AGTPBP1: variants seen among roughly 807,000 people sequenced by gnomAD.
AGTPBP1 encodes ATP/GTP binding carboxypeptidase 1.
A neutral mutation model predicts 143.9 loss-of-function variants in AGTPBP1; 70 were observed. The observed-to-expected ratio is 0.49, with a 90% CI of 0.40 to 0.59. The LOEUF (loss-of-function observed/expected upper bound fraction) is 0.59. Ranked by LOEUF, AGTPBP1 falls within the 20% of genes least tolerant of loss-of-function variation. The pLI is 0.00. For synonymous variants in AGTPBP1, 463 were observed against 500.2 expected, an observed-to-expected ratio of 0.93 and a Z score of 0.99; for missense variants, 1,229 against 1,464.5, an observed-to-expected ratio of 0.84 and a Z score of 2.62.
At chr9:85,596,110 C>T (rs952628241) in intron 18 of AGTPBP1, among the ~76,000 whole-genome samples, 3 of 152,158 alleles carry the variant, frequency 2.0e-5, no homozygotes, top group Non-Finnish European at 2.9e-5. Flanking sequence ...GCTGAGGACA[C>T]ATAACTCTCT....
intron 11 of AGTPBP1, among the ~76,000 whole-genome samples, chr9:85,651,043 G>C (rs1329931110): frequency 6.6e-6 from 1 of 152,126 alleles, no homozygotes; most frequent in East Asian, 1.9e-4. Context: ...GTACCAGCTA[G>C]TCGGATTTTG....
intron 17 of AGTPBP1, among the ~76,000 whole-genome samples, chr9:85,605,709 A>T (rs1829949154): frequency 6.6e-6 from 1 of 151,994 alleles, no homozygotes. Context: ...GAATAATAAG[A>T]TATAAATAGA....
the AGTPBP1 span, chr9:85,786,439 T>C: frequency 1.9e-6 from 3 of 1,613,866 alleles, no homozygotes; most frequent in East Asian, 2.2e-5. Flanking sequence ...GTGTCACACC[T>C]GTAAAACTGT....
intron 17 of AGTPBP1, among the ~76,000 whole-genome samples, chr9:85,616,080 T>A (rs71506694): frequency 1.4e-3 from 210 of 152,128 alleles, no homozygotes; most frequent in Non-Finnish European, 2.7e-3. Context: ...CATAACTATA[T>A]GTAAGTAGAA....
chr9:85,595,999 T>C (rs1426989863), intron 18 of AGTPBP1, among the ~76,000 whole-genome samples: 1 of 152,194 alleles, frequency 6.6e-6, no homozygotes, highest in Non-Finnish European at 1.5e-5. Flanking sequence ...AGAGTTATAC[T>C]TGATATCATA....
chr9:85,647,812 C>T (rs972555523), intron 11 of AGTPBP1, among the ~76,000 whole-genome samples: 7 of 151,952 alleles, frequency 4.6e-5, no homozygotes, highest in Admixed American at 3.9e-4. Context: ...TAGAAAATAA[C>T]AAAAGGTATG....
chr9:85,646,365 C>T lies in AGTPBP1; in HGVS notation c.1141G>A (p.Glu381Lys), dbSNP rs1290391925. The T allele has an allele frequency of 1.2e-6, 2 of 1,613,038 alleles. 1 individual carries two copies. Among genetic ancestry groups the T allele is most frequent in the South Asian group, 2.2e-5 (2 of 91,050 alleles). The change falls in exon 12 of 26, where the codon GAA (glutamate) becomes AAA (lysine). Residue 381 changes from glutamate (E) to lysine (K), a missense_variant. Transcript: ENST00000357081. ...DDNDDIDVEA[E>K]NETENEDDLD... ...TCATCTTCATTCTCAGTTTCGTTTTCAGCTTCTACATCAATATCATCGTTG... is the reference window on the plus strand; with the variant it reads ...TCATCTTCATTCTCAGTTTCGTTTTTAGCTTCTACATCAATATCATCGTTG...
At chr9:85,757,004 T>C in the AGTPBP1 span, among the ~76,000 whole-genome samples, 1 of 148,678 alleles carries the variant, frequency 6.7e-6, no homozygotes, top group Non-Finnish European at 1.5e-5. Context: ...TTCTTTTTTT[T>C]GGGGGGGTGA....
intron 17 of AGTPBP1, among the ~76,000 whole-genome samples, chr9:85,602,661 C>G (rs1829744913): frequency 1.3e-5 from 2 of 152,116 alleles, no homozygotes; most frequent in African/African-American, 4.8e-5. Context: ...ACTCCATGCC[C>G]CACAATAGGA....
intron 25 of AGTPBP1, among the ~76,000 whole-genome samples, chr9:85,565,587 T>G (rs957797697): frequency 6.6e-6 from 1 of 152,154 alleles, no homozygotes; most frequent in Admixed American, 6.5e-5. Context: ...GTGATCTTAG[T>G]AAAAGGTAAG....
chr9:85,765,881 C>G, the AGTPBP1 span, among the ~76,000 whole-genome samples: 4 of 152,228 alleles, frequency 2.6e-5, no homozygotes, highest in African/African-American at 9.6e-5. Flanking sequence ...ACTTACAAAT[C>G]AATCCTTGAT....
intron 18 of AGTPBP1, among the ~76,000 whole-genome samples, chr9:85,594,275 C>T (rs1341914465): frequency 1.3e-5 from 2 of 152,166 alleles, no homozygotes; most frequent in African/African-American, 2.4e-5. Context: ...TAGGACTTAG[C>T]TGACATGAAA....
chr9:85,620,420 T>TAAA (rs67311066), intron 15 of AGTPBP1, among the ~76,000 whole-genome samples: 4 of 103,906 alleles, frequency 3.8e-5, no homozygotes, highest in South Asian at 3.2e-4. Flanking sequence ...GGACTTCATC[T>TAAA]AAAAAAAAAA....
At chr9:85,591,445 G>A (rs1666073869) in intron 19 of AGTPBP1, among the ~76,000 whole-genome samples, 1 of 152,050 alleles carries the variant, frequency 6.6e-6, no homozygotes, top group Admixed American at 6.6e-5. Flanking sequence ...GAGAAACGAT[G>A]GTCATGCCTG....
rs1826695987 is a variant in AGTPBP1, at chr9:85,561,256, G to A, written c.3504-13970C>T. On this transcript the variant is annotated intron_variant, in intron 25 of 25. Transcript: ENST00000357081. ...GCATGTCTGTAATCCCAGCTACTTGGGAGGCTGAGGCAGGAGAATCGCTTG... is the reference window on the plus strand; with the variant it reads ...GCATGTCTGTAATCCCAGCTACTTGAGAGGCTGAGGCAGGAGAATCGCTTG... Among the ~76,000 whole-genome samples, 9 of 152,018 alleles carry A rather than the reference G, an allele frequency of 5.9e-5. No individual in the cohort carries two copies. In the South Asian group the frequency reaches 1.9e-3, roughly 32 times the overall value.
At chr9:85,769,989 C>T in the AGTPBP1 span, among the ~76,000 whole-genome samples, 2 of 152,014 alleles carry the variant, frequency 1.3e-5, no homozygotes, top group Non-Finnish European at 2.9e-5. Context: ...TTTCAGAACT[C>T]CCCTAAACTT....
intron 12 of AGTPBP1, among the ~76,000 whole-genome samples, chr9:85,644,225 T>G (rs542612611): frequency 2.7e-4 from 41 of 151,922 alleles, no homozygotes; most frequent in Non-Finnish European, 5.6e-4. Context: ...TATTGTATAC[T>G]TATTATTACA....
chr9:85,610,398 T>C (rs1486349577), intron 17 of AGTPBP1, among the ~76,000 whole-genome samples: 1 of 152,204 alleles, frequency 6.6e-6, no homozygotes, highest in Admixed American at 6.5e-5. Flanking sequence ...GTATTCTCTT[T>C]ACAATTGAAA....
At chr9:85,664,888 C>A (rs1220294684) in intron 8 of AGTPBP1, among the ~76,000 whole-genome samples, 1 of 152,098 alleles carries the variant, frequency 6.6e-6, no homozygotes, top group Non-Finnish European at 1.5e-5. Flanking sequence ...CCTTCTTTGT[C>A]AACTTTTATT....
Sources: allele counts gnomAD v4.1 joint callset (sites outside exome capture counted in the v4.1 genomes callset), GRCh38; gene constraint gnomAD v4.1.1; transcripts MANE v1.5; gene names NCBI Gene and HGNC (gene_info 2026-07-23, HGNC 2026-07-21).